Variants in ADAM12 observed in about 807,000 individuals in gnomAD.
ADAM12 encodes the protein ADAM metallopeptidase domain 12, also known as disintegrin and metalloproteinase domain-containing protein 12.
A neutral mutation model predicts 106.4 loss-of-function variants in ADAM12; 70 were observed. The ratio of observed to expected loss-of-function variants is 0.66; its 90% confidence interval spans 0.54 to 0.80. The LOEUF (loss-of-function observed/expected upper bound fraction) is 0.80, where lower values mean the gene tolerates loss of function less well. ADAM12 is among the 30% of genes least tolerant of loss of function. The pLI, the probability that ADAM12 is intolerant of heterozygous loss-of-function variation, is 0.00. For missense variants in ADAM12, 1,010 were observed against 1,171.9 expected, an observed-to-expected ratio of 0.86 and a Z score of 2.02; for synonymous variants, 420 against 433.5, an observed-to-expected ratio of 0.97 and a Z score of 0.39.
chr10:126,254,542 C>G (rs2133693963), intron 3 of ADAM12, among the ~76,000 whole-genome samples: 1 of 152,328 alleles, frequency 6.6e-6, no homozygotes, highest in East Asian at 1.9e-4. Flanking sequence ...GCCTTGCTCA[C>G]AGAGTCCACC....
intron 1 of ADAM12, among the ~76,000 whole-genome samples, chr10:126,382,824 T>A (rs754277298): frequency 6.6e-6 from 1 of 152,020 alleles, no homozygotes; most frequent in African/African-American, 2.4e-5. Flanking sequence ...GACTAACACA[T>A]TCAGAGTTAA....
At chr10:126,039,808 T>C (rs1350998515) in intron 18 of ADAM12, among the ~76,000 whole-genome samples, 1 of 152,234 alleles carries the variant, frequency 6.6e-6, no homozygotes, top group Non-Finnish European at 1.5e-5. Flanking sequence ...CTCAAATGTT[T>C]CCAGTCCCCA....
chr10:126,049,354 G>C lies in ADAM12; in HGVS notation c.1816C>G (p.Gln606Glu). 2 of 1,614,200 alleles carry C rather than the reference G, an allele frequency of 1.2e-6. No individual in the cohort carries two copies. The highest frequency in any genetic ancestry group is 1.1e-5 in the South Asian group (1 of 91,090). The change falls in exon 16 of 23, where the codon CAA becomes GAA. Residue 606 changes from glutamine to glutamate, a missense_variant. By Grantham distance (29) the Gln-to-Glu change is conservative (BLOSUM62 2). This residue lies in a region of ADAM12 where 615 missense variants were observed against 708.5 expected (regional missense o/e 0.87). Coordinates refer to ENST00000448723, the MANE Select transcript of ADAM12 (RefSeq NM_001288973.2). The surrounding 1 kb of genome is among the most constrained non-coding windows in gnomAD (Gnocchi z 4.4). ...CCCCGGCACAGAATCCGGCCTCCTT[G>C]CTGCAGGGGGATGTTTGTTTCTATG... is the stretch of plus-strand genomic sequence containing the variant. ...VSIETNIPLQ[Q>E]GGRILCRGTH...
rs190160379 is a variant in ADAM12, at chr10:126,152,604, A to G, written c.339+2623T>C. ...CTTTTTTTTTAATTAAGATTTGTCT[A>G]CAATATCTTTTCCCATTCCTTTTCT... On this transcript the variant is annotated intron_variant, in intron 4 of 22. Coordinates refer to ENST00000448723, the MANE Select transcript of ADAM12 (RefSeq NM_001288973.2). 3.8e-3 allele frequency among the ~76,000 whole-genome samples: 575 copies of G among 151,382 alleles called. 4 individuals carry two copies. The highest frequency in any genetic ancestry group is 0.013 in the African/African-American group (539 of 41,294).
At chr10:126,268,622 C>T (rs937767120) in intron 3 of ADAM12, among the ~76,000 whole-genome samples, 1 of 152,144 alleles carries the variant, frequency 6.6e-6, no homozygotes, top group Non-Finnish European at 1.5e-5. Context: ...AGTAAGAAAC[C>T]AGTAAGAAGG....
In ADAM12 at chr10:126,036,331, C is replaced by A. The variant is rs748805467; in HGVS notation, c.2350-6G>T. Reference sequence around the variant, plus strand: ...AGCAATCTCCTGGGATTGTCCTGTACAGTCAAAGTAAAAAGCCATGCTATA... The same window carrying A: ...AGCAATCTCCTGGGATTGTCCTGTAAAGTCAAAGTAAAAAGCCATGCTATA... On this transcript the variant is annotated splice_polypyrimidine_tract_variant and splice_region_variant and intron_variant, in intron 20 of 22. Transcript: ENST00000448723. 3.2e-6 allele frequency: 5 copies of A among 1,567,098 alleles called. No homozygotes were observed. The highest frequency in any genetic ancestry group is 4.3e-6 in the Non-Finnish European group (5 of 1,162,808).
intron 3 of ADAM12, among the ~76,000 whole-genome samples, chr10:126,179,481 A>G (rs1053630345): frequency 2.6e-5 from 4 of 152,210 alleles, no homozygotes; most frequent in Non-Finnish European, 5.9e-5. Flanking sequence ...TCAATTCTAG[A>G]GAGAAAGTTC....
Position 126,066,615 on chromosome 10 carries a change from G to C in ADAM12, c.1413+102C>G. On this transcript the variant is annotated intron_variant, in intron 13 of 22. Transcript: ENST00000448723. This position sits in a 1 kb window ranked among gnomAD's most constrained non-coding sequence, Gnocchi z 5.1. Reference sequence around the variant, plus strand: ...GGAGGGATGGTGCGTGCTGTGGTGAGTGCTGGGAAACCTTCCAGCCACACT... The same window carrying C: ...GGAGGGATGGTGCGTGCTGTGGTGACTGCTGGGAAACCTTCCAGCCACACT... 5 of 1,119,340 alleles carry C rather than the reference G, an allele frequency of 4.5e-6. No homozygotes were observed. Among genetic ancestry groups the C allele is most frequent in the Admixed American group, 3.5e-5 (2 of 56,680 alleles). The allele number at this position is 1,119,340 out of a possible 1,614,324, so 69.3% of individuals were successfully genotyped here. A position where few individuals can be genotyped will look rare whatever the true frequency, so the allele number is the denominator to read the frequency against.
chr10:126,041,732 G>A (rs1731118773), intron 18 of ADAM12: 1 of 1,032,842 alleles, frequency 9.7e-7, no homozygotes, highest in Admixed American at 5.2e-5. Flanking sequence ...CCAAGGCTGA[G>A]GTGTCACTGG....
chr10:126,377,655 G>A (rs955785402), intron 1 of ADAM12, among the ~76,000 whole-genome samples: 5 of 152,066 alleles, frequency 3.3e-5, no homozygotes, highest in Admixed American at 6.6e-5. Flanking sequence ...TAACCATCAC[G>A]CCAACCAATC....
intron 3 of ADAM12, among the ~76,000 whole-genome samples, chr10:126,237,459 C>A (rs1958440994): frequency 6.6e-6 from 1 of 152,198 alleles, no homozygotes; most frequent in African/African-American, 2.4e-5. Context: ...CCCGCTCCCC[C>A]TTCCTCTCAC....
chr10:126,304,866 T>G (rs1960778043), intron 2 of ADAM12, among the ~76,000 whole-genome samples: 1 of 151,878 alleles, frequency 6.6e-6, no homozygotes, highest in Admixed American at 6.6e-5. Context: ...ATCAGGGAAA[T>G]GTGAACTAAA....
At chr10:126,153,184 T>C (rs1956758875) in intron 4 of ADAM12, among the ~76,000 whole-genome samples, 1 of 152,252 alleles carries the variant, frequency 6.6e-6, no homozygotes. Context: ...TCTTACAAAA[T>C]AATTAATGAA....
At chr10:126,235,447 G>A (rs1485685476) in intron 3 of ADAM12, among the ~76,000 whole-genome samples, 6 of 152,190 alleles carry the variant, frequency 3.9e-5, no homozygotes, top group African/African-American at 7.2e-5. Flanking sequence ...AGCGCGGACC[G>A]CTGGGCTCCA....
At chr10:126,252,295 AATGGATGGG>A (rs1031706535) in intron 3 of ADAM12, among the ~76,000 whole-genome samples, 1 of 141,156 alleles carries the variant, frequency 7.1e-6, no homozygotes, top group African/African-American at 2.7e-5. Flanking sequence ...AGATGGATGG[AATGGATGGG>A]ATGGATGGAT....
At chr10:126,127,338 C>A (rs532980140) in intron 5 of ADAM12, among the ~76,000 whole-genome samples, 8 of 152,304 alleles carry the variant, frequency 5.3e-5, no homozygotes, top group Middle Eastern at 3.4e-3. Context: ...CATTCCATGC[C>A]AATTTCCTCC....
chr10:126,265,114 C>G (rs978885222), intron 3 of ADAM12, among the ~76,000 whole-genome samples: 1 of 152,226 alleles, frequency 6.6e-6, no homozygotes, highest in Non-Finnish European at 1.5e-5. Context: ...GTTATCCCCA[C>G]AGAACCTTTT....
chr10:126,081,480 C>T (rs991478450), intron 11 of ADAM12, among the ~76,000 whole-genome samples: 2 of 152,214 alleles, frequency 1.3e-5, no homozygotes, highest in African/African-American at 4.8e-5. Context: ...ATGTTGCTGA[C>T]ATTCTGCTTC....
At chr10:126,025,457 C>CCTT (rs61434461) in intron 21 of ADAM12, among the ~76,000 whole-genome samples, 39,843 of 151,834 alleles carry the variant, frequency 0.26, 5,442 homozygotes, top group East Asian at 0.33. Flanking sequence ...TGAAGACTAT[C>CCTT]CTGAAATAAG....
Sources: allele counts gnomAD v4.1 joint callset (sites outside exome capture counted in the v4.1 genomes callset), GRCh38; gene constraint gnomAD v4.1.1; regional missense constraint gnomAD v4.1.1; non-coding constraint Gnocchi (gnomAD v3.1); transcripts MANE v1.5; gene names NCBI Gene and HGNC (gene_info 2026-07-23, HGNC 2026-07-21).